VGLL3: variants seen among roughly 807,000 people sequenced by gnomAD.
VGLL3 encodes the protein transcription cofactor vestigial-like protein 3.
VGLL3 carries 18 observed loss-of-function variants against 29.2 expected under a neutral mutation model. The observed-to-expected ratio is 0.62, with a 90% CI of 0.43 to 0.91. VGLL3 has a LOEUF of 0.91. Ranked by LOEUF, VGLL3 falls within the 40% of genes least tolerant of loss-of-function variation. VGLL3 has a pLI of 0.00. For missense variants in VGLL3, 440 were observed against 413.2 expected (o/e 1.06, Z -0.56); for synonymous variants, 180 against 151.8 (o/e 1.19, Z -1.36).
chr3:86,969,080 G>A lies in VGLL3; in HGVS notation c.447C>T (p.Ser149=), dbSNP rs1258824083. The change falls in exon 3 of 4, where the codon TCC becomes TCT. Residue 149 remains serine (S), a synonymous_variant. Transcript: ENST00000398399. ...GGGGCTGGTAAGAGCTGGTCCAAAA[G>A]GAAGTTGGGAAACTATTCCGCTGGC... ...LSSQRNSFPT[S]FWTSSYQPPP... The A allele has an allele frequency of 1.2e-6, 2 of 1,609,696 alleles. No individual in the cohort carries two copies. The highest frequency in any genetic ancestry group is 8.5e-7 in the Non-Finnish European group (1 of 1,177,030).
chr3:86,953,436 G>A (rs1445571596), intron 3 of VGLL3, among the ~76,000 whole-genome samples: 1 of 152,130 alleles, frequency 6.6e-6, no homozygotes, highest in East Asian at 1.9e-4. Context: ...ACACACGGGT[G>A]TACAAAGTTG....
chr3:86,990,932 C>T lies in VGLL3; in HGVS notation c.-189G>A. 9.2e-7 allele frequency: 1 copy of T among 1,091,708 alleles called. No individual in the cohort carries two copies. 67.6% of individuals were successfully genotyped at this position (1,091,708 alleles called of 1,614,324 possible). ...GGGGTCGGGAGGGACTGGCAATCAG[C>T]GGGGGCCCATGCGCGGGCACCTTCA... On this transcript the variant is annotated 5_prime_UTR_variant, in exon 1 of 4. Coordinates refer to ENST00000398399, the MANE Select transcript of VGLL3 (RefSeq NM_016206.4).
chr3:86,976,421 G>A (rs1419461476), intron 2 of VGLL3, among the ~76,000 whole-genome samples: 1 of 152,152 alleles, frequency 6.6e-6, no homozygotes, highest in Non-Finnish European at 1.5e-5. Flanking sequence ...GCTCCATGAG[G>A]GTAGAGCCTT....
At position 86,986,030 on chromosome 3, in the gene VGLL3, T is replaced by C. The variant is rs148027394; in HGVS notation, c.126+4588A>G. ...TAGATATGACAAATATATATATATA[T>C]ACACACACACACGTATACACACACA... On this transcript the variant is annotated intron_variant, in intron 1 of 3. Transcript: ENST00000398399. Among the ~76,000 whole-genome samples the C allele has an allele frequency of 4.9e-4, 64 of 131,494 alleles. No homozygotes were observed. The East Asian group carries it at 9.0e-3, about 18-fold the overall frequency. 86.3% of individuals were successfully genotyped at this position (131,494 alleles called of 152,430 possible). A position where few individuals can be genotyped will look rare whatever the true frequency, so the allele number is the denominator to read the frequency against.
chr3:86,965,643 T>C (rs1010014294), intron 3 of VGLL3, among the ~76,000 whole-genome samples: 2 of 152,184 alleles, frequency 1.3e-5, no homozygotes, highest in Admixed American at 1.3e-4. Context: ...TTCCTGACTC[T>C]CAGTTGCTTC....
In VGLL3 at chr3:86,946,074, G is replaced by T. The variant is rs1284978148; in HGVS notation, c.*950C>A. 6.6e-6 allele frequency: 1 copy of T among 152,016 alleles called. No individual in the cohort carries two copies. Among genetic ancestry groups the T allele is most frequent in the Non-Finnish European group, 1.5e-5 (1 of 67,988 alleles). 9.4% of individuals were successfully genotyped at this position (152,016 alleles called of 1,614,324 possible). On this transcript the variant is annotated 3_prime_UTR_variant, in exon 4 of 4. Coordinates refer to ENST00000398399, the MANE Select transcript of VGLL3 (RefSeq NM_016206.4). The stretch of plus-strand genomic sequence containing the variant: ...AATAAGTCACTGGCACTCATAGGTG[G>T]CATGGTTAAATGCATTTTTTTCCTT...
intron 1 of VGLL3, among the ~76,000 whole-genome samples, chr3:86,985,548 G>T (rs79859311): frequency 3.9e-5 from 6 of 152,296 alleles, no homozygotes; most frequent in Non-Finnish European, 8.8e-5. Context: ...GGTATCCACT[G>T]AACTATCAGT....
In VGLL3 at chr3:86,985,593, G is replaced by T. The variant is rs76921700; in HGVS notation, c.126+5025C>A. Reference sequence around the variant, plus strand: ...TTTATGAGTTGTTCTAGCAGCAGCTGTTTGGGTCTAATGGTTCAAGGCAGT... The same window carrying T: ...TTTATGAGTTGTTCTAGCAGCAGCTTTTTGGGTCTAATGGTTCAAGGCAGT... On this transcript the variant is annotated intron_variant, in intron 1 of 3. Coordinates refer to ENST00000398399, the MANE Select transcript of VGLL3 (RefSeq NM_016206.4). Among the ~76,000 whole-genome samples the T allele has an allele frequency of 4.6e-3, 706 of 152,314 alleles. 4 individuals are homozygous for T. Among genetic ancestry groups the T allele is most frequent in the Middle Eastern group, 0.027 (8 of 294 alleles).
intron 1 of VGLL3, among the ~76,000 whole-genome samples, chr3:86,984,664 T>C (rs1434411129): frequency 6.6e-6 from 1 of 152,214 alleles, no homozygotes; most frequent in African/African-American, 2.4e-5. Flanking sequence ...ATTTTTAAGG[T>C]AATTTATCCA....
chr3:86,963,879 C>T (rs1453570103), intron 3 of VGLL3, among the ~76,000 whole-genome samples: 2 of 152,176 alleles, frequency 1.3e-5, no homozygotes, highest in Admixed American at 1.3e-4. Flanking sequence ...TCCACTAACT[C>T]TCCAGGAGTA....
At position 86,942,764 on chromosome 3, in the gene VGLL3, C is replaced by T. The variant is rs1704425248; in HGVS notation, c.*4260G>A. ...AAAAGTCAGCTAATTAAGAAACGTACATTTATCTCCTATACCAGGTAGAAG... is the reference window on the plus strand; with the variant it reads ...AAAAGTCAGCTAATTAAGAAACGTATATTTATCTCCTATACCAGGTAGAAG... On this transcript the variant is annotated 3_prime_UTR_variant, in exon 4 of 4. Transcript: ENST00000398399. The T allele has an allele frequency of 1.3e-5, 2 of 152,270 alleles. No homozygotes were observed. Among genetic ancestry groups the T allele is most frequent in the African/African-American group, 2.4e-5 (1 of 41,566 alleles). The allele number at this position is 152,270 out of a possible 1,614,324, so 9.4% of individuals were successfully genotyped here.
At chr3:86,986,492 T>G (rs1217594157) in intron 1 of VGLL3, among the ~76,000 whole-genome samples, 1 of 152,200 alleles carries the variant, frequency 6.6e-6, no homozygotes, top group African/African-American at 2.4e-5. Flanking sequence ...TGGGGCACTT[T>G]AAGTCTCGAA....
intron 1 of VGLL3, among the ~76,000 whole-genome samples, chr3:86,981,496 A>T (rs1482128861): frequency 6.6e-6 from 1 of 151,812 alleles, no homozygotes; most frequent in Non-Finnish European, 1.5e-5. Context: ...TTTATTTCAT[A>T]TATGTAATAT....
intron 2 of VGLL3, among the ~76,000 whole-genome samples, chr3:86,969,965 A>G (rs945044958): frequency 3.3e-5 from 5 of 152,166 alleles, no homozygotes; most frequent in African/African-American, 9.6e-5. Context: ...CTAAATGGCC[A>G]ATGGCTGGGC....
chr3:86,966,775 A>G (rs28408254), intron 3 of VGLL3, among the ~76,000 whole-genome samples: 267 of 9,402 alleles, frequency 0.028, 1 homozygote, highest in African/African-American at 0.093. Flanking sequence ...GTGTGTGTGT[A>G]TATATATATA....
Position 86,943,003 on chromosome 3 carries a change from G to T in VGLL3, c.*4021C>A, listed in dbSNP as rs1038912885. 1.0e-5 allele frequency: 1 copy of T among 99,918 alleles called. No individual in the cohort carries two copies. Among genetic ancestry groups the T allele is most frequent in the African/African-American group, 3.3e-5 (1 of 30,464 alleles). 6.2% of individuals were successfully genotyped at this position (99,918 alleles called of 1,614,324 possible). A position where few individuals can be genotyped will look rare whatever the true frequency, so the allele number is the denominator to read the frequency against. On this transcript the variant is annotated 3_prime_UTR_variant, in exon 4 of 4. Transcript: ENST00000398399. The stretch of plus-strand genomic sequence containing the variant: ...ATGAGCTACATGATTGATCGTGTGT[G>T]TGTGTGTCTGTGTGTGTGTGTGTGT...
At position 86,946,923 on chromosome 3, in the gene VGLL3, T is replaced by A; in HGVS notation, c.*101A>T. ...CGTGACACTTTGTCTTCTCCTTCTA[T>A]GCCTTTCGTGTCCTATTGCTGAATG... On this transcript the variant is annotated 3_prime_UTR_variant, in exon 4 of 4. Transcript: ENST00000398399. The A allele has an allele frequency of 2.7e-6, 2 of 743,234 alleles. No individual in the cohort carries two copies. The highest frequency in any genetic ancestry group is 5.0e-6 in the Non-Finnish European group (2 of 398,660). The allele number at this position is 743,234 out of a possible 1,614,324, so 46.0% of individuals were successfully genotyped here. A position where few individuals can be genotyped will look rare whatever the true frequency, so the allele number is the denominator to read the frequency against.
chr3:86,979,980 C>T (rs1170358408), intron 1 of VGLL3, among the ~76,000 whole-genome samples: 1 of 152,036 alleles, frequency 6.6e-6, no homozygotes, highest in Non-Finnish European at 1.5e-5. Context: ...AAACATTTTT[C>T]ACTGAGCACA....
At chr3:86,953,513 ATCC>A (rs1704655030) in intron 3 of VGLL3, among the ~76,000 whole-genome samples, 1 of 152,208 alleles carries the variant, frequency 6.6e-6, no homozygotes, top group South Asian at 2.1e-4. Context: ...TAATTGCTGA[ATCC>A]AAGCATATGA....
Sources: allele counts gnomAD v4.1 joint callset (sites outside exome capture counted in the v4.1 genomes callset), GRCh38; gene constraint gnomAD v4.1.1; transcripts MANE v1.5; gene names NCBI Gene and HGNC (gene_info 2026-07-23, HGNC 2026-07-21).